IFI16: variants seen among roughly 807,000 people sequenced by gnomAD.
IFI16 encodes the protein gamma-interferon-inducible protein 16.
IFI16 carries 49 observed loss-of-function variants against 68.4 expected under a neutral mutation model. That is an observed-to-expected ratio of 0.72 (90% CI 0.57 to 0.91). IFI16 has a LOEUF of 0.91. Ranked by LOEUF, IFI16 falls within the 40% of genes least tolerant of loss-of-function variation. The pLI, the probability that IFI16 is intolerant of heterozygous loss-of-function variation, is 0.00. For missense variants in IFI16, 878 were observed against 942.9 expected, an observed-to-expected ratio of 0.93 and a Z score of 0.90; for synonymous variants, 307 against 315.0, an observed-to-expected ratio of 0.97 and a Z score of 0.27.
Position 159,051,848 on chromosome 1 carries a change from G to A in IFI16, c.1835G>A (p.Arg612Gln), listed in dbSNP as rs746538717. 1.1e-5 allele frequency: 17 copies of A among 1,613,976 alleles called. No individual in the cohort carries two copies. The highest frequency in any genetic ancestry group is 3.3e-4 in the Middle Eastern group (2 of 6,084). Residue 612 changes from arginine to glutamine, a missense_variant, in exon 10 of 12, where the codon CGA becomes CAA. Arg to Gln is a conservative substitution (Grantham distance 43). This residue lies in a region of IFI16 where 311 missense variants were observed against 305.1 expected (regional missense o/e 1.02). Transcript: ENST00000295809. ...ATVATENEVF[R>Q]VKVFNIDLKE... ...GTGGCAACTGAGAATGAAGTCTTCC[G>A]AGTGAAGGTTTTTAATATTGACCTA...
At chr1:159,048,308 A>T (rs1207139579) in intron 8 of IFI16, among the ~76,000 whole-genome samples, 2 of 151,466 alleles carry the variant, frequency 1.3e-5, no homozygotes, top group African/African-American at 2.4e-5. Context: ...ATTCTTTATA[A>T]CACCATACAA....
chr1:159,028,274 A>G (rs558192893), intron 6 of IFI16, among the ~76,000 whole-genome samples: 3 of 152,284 alleles, frequency 2.0e-5, no homozygotes, highest in Admixed American at 6.5e-5. Flanking sequence ...TATTGACTCT[A>G]TGATCATACG....
At chr1:159,019,371 A>G (rs935746485) in intron 5 of IFI16, among the ~76,000 whole-genome samples, 30 of 152,058 alleles carry the variant, frequency 2.0e-4, no homozygotes, top group African/African-American at 7.0e-4. Flanking sequence ...ATCCTCTGCT[A>G]TTGATTCAAG....
intron 3 of IFI16, 54 bp downstream of exon 3, chr1:159,016,041 C>T (rs66519738): frequency 0.077 from 87,881 of 1,134,524 alleles, 3,889 homozygotes; most frequent in Middle Eastern, 0.1. Flanking sequence ...AGCTCTGCTA[C>T]GGCTCTTCCA....
In IFI16 at chr1:159,015,923, C is replaced by T; in HGVS notation, c.317C>T (p.Ser106Leu). ...AGGAAGAAGGAAGTGGATGCTACTT[C>T]ACCTGCACCCTCCACAAGCAGCACT... is the stretch of plus-strand genomic sequence containing the variant. ...RKRKKEVDAT[S>L]PAPSTSSTVK... Residue 106 changes from serine to leucine, a missense_variant, in exon 3 of 12, where the codon TCA (serine) becomes TTA (leucine). By Grantham distance (145) the Ser-to-Leu change is moderately radical. This residue lies in a region of IFI16 where 443 missense variants were observed against 421.8 expected (regional missense o/e 1.05). Transcript: ENST00000295809. The T allele has an allele frequency of 1.9e-6, 3 of 1,614,146 alleles. No individual in the cohort carries two copies. The highest frequency in any genetic ancestry group is 2.5e-6 in the Non-Finnish European group (3 of 1,179,964).
At chr1:159,046,320 T>C (rs1246189567) in intron 8 of IFI16, among the ~76,000 whole-genome samples, 1 of 151,302 alleles carries the variant, frequency 6.6e-6, no homozygotes, top group African/African-American at 2.4e-5. Flanking sequence ...GATTTGATAC[T>C]GATTAACTTC....
chr1:159,015,238 T>C (rs1652846644), intron 2 of IFI16, among the ~76,000 whole-genome samples: 1 of 152,192 alleles, frequency 6.6e-6, no homozygotes, highest in Non-Finnish European at 1.5e-5. Context: ...TATATAATAA[T>C]AAAATCATAA....
intron 6 of IFI16, among the ~76,000 whole-genome samples, chr1:159,022,405 A>G (rs1101988): frequency 0.62 from 94,716 of 152,180 alleles, 35,589 homozygotes; most frequent in Non-Finnish European, 0.81. Context: ...ACTCGCCAGC[A>G]GTTTTGCCAC....
At chr1:159,003,695 T>C (rs2852690), upstream of IFI16, among the ~76,000 whole-genome samples, 149,975 of 152,216 alleles carry the variant, frequency 0.99, 73,919 homozygotes, top group Middle Eastern at 1. Flanking sequence ...GGGTCTCGCT[T>C]TGTCGCCCAG....
chr1:159,016,780 T>G (rs1652959946), intron 4 of IFI16, 80 bp downstream of exon 4: 2 of 1,291,094 alleles, frequency 1.5e-6, no homozygotes, highest in Non-Finnish European at 1.1e-6. Flanking sequence ...ACTTAAAAAT[T>G]GCATCGATAA....
In IFI16 at chr1:159,047,616, C is replaced by T. The variant is rs1290160533; in HGVS notation, c.1498-1816C>T. 7.3e-5 allele frequency among the ~76,000 whole-genome samples: 11 copies of T among 150,956 alleles called. 2 individuals are homozygous for T. The highest frequency in any genetic ancestry group is 1.2e-4 in the Non-Finnish European group (8 of 67,540). On this transcript the variant is annotated intron_variant, in intron 8 of 11. Coordinates refer to ENST00000295809, the MANE Select transcript of IFI16 (RefSeq NM_001376587.1). ...GCTCAGGATCCAAGGCAGACTCATC[C>T]ACCTAAACATACACCACGTAGTCAT...
chr1:159,041,954 A>G (rs1654673813), intron 7 of IFI16, among the ~76,000 whole-genome samples: 1 of 152,250 alleles, frequency 6.6e-6, no homozygotes, highest in Admixed American at 6.5e-5. Flanking sequence ...ACTGGCTTAA[A>G]AGGGACATGT....
chr1:159,020,454 C>G lies in IFI16; in HGVS notation c.1086C>G (p.Leu362=). ...TCCCCTGTGAAGAAGGAGATAAGCT[C>G]CAACTTTTCTGCTTTCGACTTAGAA... ...HNIPCEEGDK[L]QLFCFRLRKK... Residue 362 remains leucine (L), a synonymous_variant, in exon 6 of 12, where the codon CTC becomes CTG. Coordinates refer to ENST00000295809, the MANE Select transcript of IFI16 (RefSeq NM_001376587.1). 1 of 1,613,028 alleles carries G rather than the reference C, an allele frequency of 6.2e-7. No homozygotes were observed. Among genetic ancestry groups the G allele is most frequent in the East Asian group, 2.2e-5 (1 of 44,826 alleles).
intron 4 of IFI16, 51 bp downstream of exon 4, chr1:159,016,751 A>C: frequency 1.3e-6 from 2 of 1,503,400 alleles, no homozygotes; most frequent in Non-Finnish European, 1.8e-6. Flanking sequence ...CCCAAAGTAA[A>C]GGACTGATTT....
At chr1:159,039,716 T>C (rs902625902) in intron 7 of IFI16, among the ~76,000 whole-genome samples, 5 of 152,158 alleles carry the variant, frequency 3.3e-5, no homozygotes, top group African/African-American at 1.2e-4. Context: ...GAGGCCAGAA[T>C]CACCCCAGTT....
At chr1:159,046,288 A>T (rs113452460) in intron 8 of IFI16, among the ~76,000 whole-genome samples, 1 of 151,114 alleles carries the variant, frequency 6.6e-6, no homozygotes, top group South Asian at 2.1e-4. Flanking sequence ...TCAGGGTACT[A>T]ATGTCATGGC....
chr1:159,051,261 G>A (rs1000651478), intron 9 of IFI16, among the ~76,000 whole-genome samples: 10 of 151,882 alleles, frequency 6.6e-5, no homozygotes, highest in African/African-American at 9.7e-5. Flanking sequence ...CTGCCTCCAC[G>A]GACCAGCAGT....
At chr1:159,051,387 C>A (rs1655347361) in intron 9 of IFI16, among the ~76,000 whole-genome samples, 2 of 152,144 alleles carry the variant, frequency 1.3e-5, no homozygotes, top group African/African-American at 2.4e-5. Context: ...TTCCCCATAC[C>A]TCTTGATAGG....
At chr1:159,051,327 C>T (rs1025239348) in intron 9 of IFI16, among the ~76,000 whole-genome samples, 5 of 152,138 alleles carry the variant, frequency 3.3e-5, no homozygotes, top group Non-Finnish European at 1.5e-5. Context: ...CTTCTAAAAT[C>T]TCATCTCTTT....
Sources: allele counts gnomAD v4.1 joint callset (sites outside exome capture counted in the v4.1 genomes callset), GRCh38; gene constraint gnomAD v4.1.1; regional missense constraint gnomAD v4.1.1; transcripts MANE v1.5; gene names NCBI Gene and HGNC (gene_info 2026-07-23, HGNC 2026-07-21).